Variants in ZNF280C observed in about 807,000 individuals in gnomAD.
ZNF280C encodes the protein zinc finger protein 280C, also known as suppressor of hairy wing homolog 3.
ZNF280C carries 14 observed loss-of-function variants against 53.6 expected under a neutral mutation model. The ratio of observed to expected loss-of-function variants is 0.26; its 90% CI spans 0.17 to 0.41. The LOEUF is 0.41. Ranked by LOEUF, ZNF280C falls within the 10% of genes least tolerant of loss-of-function variation. The probability of loss-of-function intolerance (pLI) is 1.00; values close to 1 mark genes in which losing one functional copy is unlikely to be tolerated. For missense variants in ZNF280C, 416 were observed against 547.1 expected, an observed-to-expected ratio of 0.76 and a Z score of 2.39; for synonymous variants, 203 against 181.1, an observed-to-expected ratio of 1.12 and a Z score of -0.97.
Position 130,204,999 on chromosome X carries a change from G to GAAAAAA in ZNF280C, c.2199-13_2199-8dup. On this transcript the variant is annotated splice_polypyrimidine_tract_variant and splice_region_variant and intron_variant, in intron 18 of 18. Coordinates refer to ENST00000370978, the MANE Select transcript of ZNF280C (RefSeq NM_017666.5). ...AATCTATTTCAATGAGCAGCTTTAA[G>GAAAAAA]AAAAAAAAAAAAAAACTTTAATATT... 2 of 910,408 alleles carry GAAAAAA rather than the reference G, an allele frequency of 2.2e-6. No individual in the cohort carries two copies. The highest frequency in any genetic ancestry group is 4.1e-5 in the East Asian group (1 of 24,165). The allele number at this position is 910,408 out of a possible 1,213,427, so 75.0% of individuals were successfully genotyped here.
chrX:130,206,836 TCTGA>T (rs972204614), intron 16 of ZNF280C, among the ~76,000 whole-genome samples: 10 of 112,243 alleles, frequency 8.9e-5, no homozygotes, highest in Admixed American at 9.5e-5. Context: ...TGTAGTTATC[TCTGA>T]CTTTCTTCTT....
chrX:130,208,607 C>T (rs2032005615), intron 16 of ZNF280C, among the ~76,000 whole-genome samples: 3 of 111,955 alleles, frequency 2.7e-5, no homozygotes, highest in Non-Finnish European at 3.8e-5. Context: ...AATCTCTTTT[C>T]ATTCTTATAA....
intron 2 of ZNF280C, 23 bp downstream of exon 2, chrX:130,260,396 T>C (rs775041867): frequency 3.1e-5 from 37 of 1,185,116 alleles, no homozygotes; most frequent in Non-Finnish European, 4.2e-5. Context: ...CCTATTAGTA[T>C]CAACTACAGC....
At chrX:130,252,172 A>G (rs1413269239) in intron 2 of ZNF280C, among the ~76,000 whole-genome samples, 1 of 112,345 alleles carries the variant, frequency 8.9e-6, no homozygotes. Flanking sequence ...AAAAGCTTTC[A>G]TGCCAACATC....
At chrX:130,258,184 G>A (rs771385995) in intron 2 of ZNF280C, among the ~76,000 whole-genome samples, 3 of 111,722 alleles carry the variant, frequency 2.7e-5, no homozygotes, top group Non-Finnish European at 5.7e-5. Flanking sequence ...AGTGACATGT[G>A]GATTGTCGGG....
At chrX:130,221,257 C>A (rs140331359) in intron 12 of ZNF280C, among the ~76,000 whole-genome samples, 1 of 111,437 alleles carries the variant, frequency 9.0e-6, no homozygotes, top group African/African-American at 3.3e-5. Flanking sequence ...AACAGATTTA[C>A]CTGTAGGTGC....
chrX:130,245,273 T>C (rs1456941472), intron 3 of ZNF280C, among the ~76,000 whole-genome samples: 1 of 112,022 alleles, frequency 8.9e-6, no homozygotes, highest in African/African-American at 3.2e-5. Context: ...CTACAATCAA[T>C]ATAAATCCAA....
chrX:130,229,735 T>TA (rs2032258375), intron 9 of ZNF280C, among the ~76,000 whole-genome samples: 1 of 112,513 alleles, frequency 8.9e-6, no homozygotes, highest in South Asian at 3.7e-4. Flanking sequence ...GTGCCCTTTG[T>TA]AGCACTGTCT....
intron 2 of ZNF280C, among the ~76,000 whole-genome samples, 163 bp downstream of exon 2, chrX:130,260,256 T>A (rs1239598219): frequency 9.0e-6 from 1 of 111,285 alleles, no homozygotes; most frequent in African/African-American, 3.3e-5. Flanking sequence ...CACTCCAGCC[T>A]GGGCGACACA....
intron 11 of ZNF280C, 44 bp from the exon 12 acceptor site, chrX:130,226,949 C>T: frequency 8.9e-7 from 1 of 1,128,865 alleles, no homozygotes; most frequent in Non-Finnish European, 1.2e-6. Context: ...TATTTTATAA[C>T]TTCTTGCAAT....
At chrX:130,217,771 T>A (rs141826852) in intron 13 of ZNF280C, among the ~76,000 whole-genome samples, 1,137 of 112,826 alleles carry the variant, frequency 0.01, 39 homozygotes, top group East Asian at 0.088. Flanking sequence ...TAATATTAGT[T>A]TTATATTGAT....
rs191320981 is a variant in ZNF280C at position 130,220,076 on chromosome X, T to C, written c.1527+273A>G. On this transcript the variant is annotated intron_variant, in intron 13 of 18. Transcript: ENST00000370978. ...ATTTAAAACTCACTTTTGGGGTGCA[T>C]GGGATATTTTGATACAAGCATACAA... Among the ~76,000 whole-genome samples, 15 of 110,907 alleles carry C rather than the reference T, an allele frequency of 1.4e-4. No individual in the cohort carries two copies. The East Asian group carries it at 3.4e-3, about 25-fold the overall frequency.
rs779422616 is a variant in ZNF280C, at chrX:130,268,878, C to T, written c.-133G>A. 3 of 112,651 alleles carry T rather than the reference C, an allele frequency of 2.7e-5. No homozygotes were observed. Among genetic ancestry groups the T allele is most frequent in the South Asian group, 3.7e-4 (1 of 2,701 alleles). The allele number at this position is 112,651 out of a possible 1,213,427, so 9.3% of individuals were successfully genotyped here. ...ACAGCCTCAGCAACAGCGACTCCCC[C>T]GGAGACTTCCAGCGCGGAACCGGCG... On this transcript the variant is annotated 5_prime_UTR_variant, in exon 1 of 19. Transcript: ENST00000370978.
intron 6 of ZNF280C, among the ~76,000 whole-genome samples, chrX:130,238,309 A>G (rs767105794): frequency 1.8e-5 from 2 of 111,682 alleles, no homozygotes; most frequent in South Asian, 7.5e-4. Flanking sequence ...CCCTGAGATA[A>G]AGAGAGCAAG....
At chrX:130,247,107 T>C in intron 2 of ZNF280C, 102 bp from the exon 3 acceptor site, 1 of 791,639 alleles carries the variant, frequency 1.3e-6, no homozygotes, top group South Asian at 3.1e-5. Context: ...ATAATCCTAA[T>C]AGCAATTACT....
chrX:130,209,714 A>G lies in ZNF280C; in HGVS notation c.1981T>C (p.Ser661Pro). The G allele has an allele frequency of 8.3e-7, 1 of 1,198,679 alleles. No individual in the cohort carries two copies. Among genetic ancestry groups the G allele is most frequent in the African/African-American group, 1.7e-5 (1 of 57,459 alleles). Residue 661 changes from serine (S) to proline (P), a missense_variant and splice_region_variant, in exon 16 of 19, where the codon TCT becomes CCT. Transcript: ENST00000370978. ...NKAFVNHMMS[S>P]HSNHPGKRFC... The stretch of plus-strand genomic sequence containing the variant: ...CGTTTACCTGGATGGTTGCTATGAG[A>G]GCTGGAGAAACACGAGACAAACAAG...
intron 1 of ZNF280C, among the ~76,000 whole-genome samples, chrX:130,264,043 A>G (rs200249369): frequency 1.9e-5 from 2 of 103,007 alleles, no homozygotes; most frequent in Non-Finnish European, 3.9e-5. Context: ...AAAAAAAAAG[A>G]AAAGAAAGAA....
At chrX:130,244,164 C>A (rs142672391) in intron 3 of ZNF280C, among the ~76,000 whole-genome samples, 101 of 111,809 alleles carry the variant, frequency 9.0e-4, no homozygotes, top group African/African-American at 2.9e-3. Flanking sequence ...AGACTACAGA[C>A]TAAATTAAAC....
intron 11 of ZNF280C, 44 bp from the exon 12 acceptor site, chrX:130,226,949 C>A (rs1254782115): frequency 8.9e-7 from 1 of 1,128,863 alleles, no homozygotes; most frequent in Non-Finnish European, 1.2e-6. Flanking sequence ...TATTTTATAA[C>A]TTCTTGCAAT....
Sources: allele counts gnomAD v4.1 joint callset (sites outside exome capture counted in the v4.1 genomes callset), GRCh38; gene constraint gnomAD v4.1.1; transcripts MANE v1.5; gene names NCBI Gene and HGNC (gene_info 2026-07-23, HGNC 2026-07-21).